TMEM232: variants seen among roughly 807,000 people sequenced by gnomAD.
The protein encoded by TMEM232 is transmembrane protein 232.
TMEM232 carries 80 observed loss-of-function variants against 78.8 expected under a neutral mutation model. The ratio of observed to expected loss-of-function variants is 1.01; its 90% confidence interval spans 0.85 to 1.22. The LOEUF is 1.22. Ranked by LOEUF, TMEM232 falls within the 50% of genes most tolerant of loss-of-function variation. The probability of loss-of-function intolerance (pLI) is 0.00; values close to 1 mark genes in which losing one functional copy is unlikely to be tolerated. For missense variants in TMEM232, 881 were observed against 742.2 expected, an observed-to-expected ratio of 1.19 and a Z score of -2.17; for synonymous variants, 297 against 254.3, an observed-to-expected ratio of 1.17 and a Z score of -1.60.
At chr5:110,692,392 A>G (rs1230279289) in intron 1 of TMEM232, among the ~76,000 whole-genome samples, 2 of 152,334 alleles carry the variant, frequency 1.3e-5, no homozygotes, top group East Asian at 3.9e-4. Flanking sequence ...AAGATGGGTG[A>G]TTTCTGCATA....
chr5:110,608,418 C>A (rs1781770263), intron 8 of TMEM232, among the ~76,000 whole-genome samples: 1 of 151,786 alleles, frequency 6.6e-6, no homozygotes, highest in Admixed American at 6.6e-5. Context: ...ATAAGTCATT[C>A]CCCAGACTAC....
chr5:110,521,298 T>G (rs937563456), intron 12 of TMEM232, among the ~76,000 whole-genome samples: 1 of 152,210 alleles, frequency 6.6e-6, no homozygotes, highest in Non-Finnish European at 1.5e-5. Flanking sequence ...TTTAACCTAT[T>G]TTTAGTAGAC....
intron 7 of TMEM232, among the ~76,000 whole-genome samples, chr5:110,620,858 CT>C (rs558332663): frequency 0.021 from 1,844 of 87,370 alleles, 17 homozygotes; most frequent in African/African-American, 0.081. Context: ...ATTTCAAGCG[CT>C]TTTTTTTTTT....
At chr5:110,662,789 G>T (rs1439693826) in intron 2 of TMEM232, among the ~76,000 whole-genome samples, 1 of 152,016 alleles carries the variant, frequency 6.6e-6, no homozygotes, top group Non-Finnish European at 1.5e-5. Context: ...ATTTTAAAAA[G>T]AAAATCAGAC....
intron 12 of TMEM232, among the ~76,000 whole-genome samples, chr5:110,425,794 T>C (rs550485930): frequency 8.5e-4 from 129 of 152,214 alleles, no homozygotes; most frequent in Admixed American, 4.4e-3. Context: ...GCATCCATCA[T>C]TCCTTACCCA....
At chr5:110,436,954 A>G (rs113826265) in intron 12 of TMEM232, among the ~76,000 whole-genome samples, 3,021 of 152,080 alleles carry the variant, frequency 0.02, 96 homozygotes, top group African/African-American at 0.069. Context: ...GATTCTATAT[A>G]AACTTTAGAA....
At chr5:110,650,397 C>G (rs1788140759) in intron 2 of TMEM232, among the ~76,000 whole-genome samples, 1 of 151,878 alleles carries the variant, frequency 6.6e-6, no homozygotes, top group Non-Finnish European at 1.5e-5. Flanking sequence ...CCAAAGAGTA[C>G]AGTAAGCCAA....
At chr5:110,581,521 CTTAA>C (rs1165149396) in intron 10 of TMEM232, among the ~76,000 whole-genome samples, 3 of 151,698 alleles carry the variant, frequency 2.0e-5, no homozygotes, top group Non-Finnish European at 3.0e-5. Flanking sequence ...TTAATTCAGA[CTTAA>C]TTAAAGACTT....
chr5:110,542,490 G>GC (rs1356232886), intron 11 of TMEM232, among the ~76,000 whole-genome samples: 1 of 152,052 alleles, frequency 6.6e-6, no homozygotes, highest in East Asian at 1.9e-4. Flanking sequence ...CACCATCTTA[G>GC]CCATCAAGAA....
At chr5:110,399,507 T>A (rs1436598845) in intron 2 of TMEM232, among the ~76,000 whole-genome samples, 1 of 152,094 alleles carries the variant, frequency 6.6e-6, no homozygotes, top group Non-Finnish European at 1.5e-5. Context: ...TTTCTTTTTT[T>A]AAAAGGCCTT....
In TMEM232 at chr5:110,585,043, T is replaced by C. The variant is rs1778648452; in HGVS notation, c.1277-16418A>G. 2.0e-5 allele frequency among the ~76,000 whole-genome samples: 3 copies of C among 152,170 alleles called. No homozygotes were observed. In the South Asian group the frequency reaches 6.2e-4, roughly 31 times the overall value. On this transcript the variant is annotated intron_variant, in intron 10 of 13. Coordinates refer to ENST00000455884, the MANE Select transcript of TMEM232 (RefSeq NM_001039763.4). ...CAGGTGGATTTTAGACCACTGGATC[T>C]GAATGGAATACTTTGTATTGTTTAT...
chr5:110,623,386 T>A (rs1402203642), intron 7 of TMEM232, among the ~76,000 whole-genome samples: 2 of 152,180 alleles, frequency 1.3e-5, no homozygotes, highest in Non-Finnish European at 2.9e-5. Context: ...CAAAGTATAG[T>A]GCTATGGACC....
intron 2 of TMEM232, among the ~76,000 whole-genome samples, chr5:110,732,942 C>T (rs1019150220): frequency 2.0e-5 from 3 of 152,130 alleles, no homozygotes; most frequent in African/African-American, 7.2e-5. Flanking sequence ...AGTCTAATAT[C>T]CAGTATCTAC....
intron 1 of TMEM232, among the ~76,000 whole-genome samples, chr5:110,670,962 A>C (rs2150143981): frequency 6.7e-6 from 1 of 150,364 alleles, no homozygotes. Context: ...GTGAATTATA[A>C]AAAAAATATG....
intron 1 of TMEM232, among the ~76,000 whole-genome samples, chr5:110,689,207 C>A (rs934269242): frequency 1.3e-5 from 2 of 152,088 alleles, no homozygotes; most frequent in Non-Finnish European, 2.9e-5. Flanking sequence ...CCTTTGTAAA[C>A]CCTGGGGCAA....
chr5:110,590,483 A>G (rs371841983), intron 10 of TMEM232, among the ~76,000 whole-genome samples: 3 of 152,076 alleles, frequency 2.0e-5, no homozygotes, highest in Non-Finnish European at 4.4e-5. Flanking sequence ...GTGGGATCTA[A>G]GTTGCTGCTC....
chr5:110,480,347 T>C (rs770359970), intron 12 of TMEM232, among the ~76,000 whole-genome samples: 2 of 152,032 alleles, frequency 1.3e-5, no homozygotes, highest in Non-Finnish European at 2.9e-5. Flanking sequence ...TATGCAAATG[T>C]CAGTCTTTTG....
At chr5:110,453,576 C>T (rs1016705189) in intron 12 of TMEM232, among the ~76,000 whole-genome samples, 4 of 152,186 alleles carry the variant, frequency 2.6e-5, no homozygotes, top group Admixed American at 2.0e-4. Flanking sequence ...GCTGGGATTA[C>T]AGGCGTGAGC....
intron 8 of TMEM232, chr5:110,618,120 C>T (rs73226203): frequency 0.012 from 2,973 of 251,808 alleles, 111 homozygotes; most frequent in African/African-American, 0.065. Flanking sequence ...TTTTGTTTAA[C>T]AACTTGGAAT....
Sources: allele counts gnomAD v4.1 joint callset (sites outside exome capture counted in the v4.1 genomes callset), GRCh38; gene constraint gnomAD v4.1.1; transcripts MANE v1.5; gene names NCBI Gene and HGNC (gene_info 2026-07-23, HGNC 2026-07-21).